Variants in MICAL3 observed in about 807,000 individuals in gnomAD.
The protein encoded by MICAL3 is microtubule associated monooxygenase, calponin and LIM domain containing 3.
In MICAL3, 62 loss-of-function variants were observed where a neutral mutation model predicts 207.4. The ratio of observed to expected loss-of-function variants is 0.30; its 90% CI spans 0.24 to 0.37. The LOEUF is 0.37. Ranked by LOEUF, MICAL3 falls within the 10% of genes least tolerant of loss-of-function variation. The probability of loss-of-function intolerance (pLI) is 1.00; values close to 1 mark genes in which losing one functional copy is unlikely to be tolerated. For synonymous variants in MICAL3, 1,077 were observed against 1,069.3 expected, an observed-to-expected ratio of 1.01 and a Z score of -0.14; for missense variants, 2,368 against 2,635.6, an observed-to-expected ratio of 0.90 and a Z score of 2.22.
At chr22:17,963,055 G>A (rs77952103) in intron 1 of MICAL3, among the ~76,000 whole-genome samples, 29 of 152,182 alleles carry the variant, frequency 1.9e-4, no homozygotes, top group African/African-American at 5.3e-4. Flanking sequence ...CCTAGCCAGC[G>A]AGAAACACTT....
chr22:17,901,833 G>T, intron 5 of MICAL3, 45 bp downstream of exon 5: 2 of 1,479,524 alleles, frequency 1.4e-6, no homozygotes, highest in Non-Finnish European at 1.9e-6. Flanking sequence ...GATAGCATCA[G>T]CTTTCCCTCT....
chr22:17,853,258 C>T lies in MICAL3; in HGVS notation c.2606-11241G>A, dbSNP rs145637303. 3.9e-5 allele frequency among the ~76,000 whole-genome samples: 6 copies of T among 152,206 alleles called. No homozygotes were observed. In the East Asian group the frequency reaches 9.7e-4, roughly 25 times the overall value. On this transcript the variant is annotated intron_variant, in intron 19 of 31. Coordinates refer to ENST00000441493, the MANE Select transcript of MICAL3 (RefSeq NM_015241.3). ...AGCCAAGCAGCCATGGAGATTTAAC[C>T]GTGCTTCACAACAGCTGGCACGCAA...
At chr22:17,935,166 T>C (rs1415626922) in intron 1 of MICAL3, among the ~76,000 whole-genome samples, 1 of 152,180 alleles carries the variant, frequency 6.6e-6, no homozygotes, top group Admixed American at 6.5e-5. Flanking sequence ...TCACGCTATC[T>C]GACTTCAAAC....
intron 29 of MICAL3, among the ~76,000 whole-genome samples, chr22:17,807,428 A>G (rs1253748995): frequency 4.6e-5 from 7 of 152,206 alleles, no homozygotes; most frequent in African/African-American, 1.4e-4. Flanking sequence ...TCTCACAGTA[A>G]CACATCCCAG....
At chr22:18,016,838 G>T (rs1334639258) in intron 1 of MICAL3, among the ~76,000 whole-genome samples, 1 of 151,992 alleles carries the variant, frequency 6.6e-6, no homozygotes, top group Admixed American at 6.6e-5. Flanking sequence ...TACTCGGGAG[G>T]CTGAGGCAGG....
chr22:17,822,721 G>A (rs560538875), intron 23 of MICAL3, among the ~76,000 whole-genome samples: 1 of 152,224 alleles, frequency 6.6e-6, no homozygotes, highest in African/African-American at 2.4e-5. Flanking sequence ...TAAAGCCACA[G>A]GTTGGCTCAG....
rs376092257 is a variant in MICAL3 at position 17,844,069 on chromosome 22, A to G, written c.2606-2052T>C. Reference sequence around the variant, plus strand: ...CACCATGTTAGCCAGGATGGTCTCAATCTCCTGACCTCGTGATCCGCCCGC... The same window carrying G: ...CACCATGTTAGCCAGGATGGTCTCAGTCTCCTGACCTCGTGATCCGCCCGC... On this transcript the variant is annotated intron_variant, in intron 19 of 31. Coordinates refer to ENST00000441493, the MANE Select transcript of MICAL3 (RefSeq NM_015241.3). Among the ~76,000 whole-genome samples the G allele has an allele frequency of 2.0e-5, 3 of 152,242 alleles. No individual in the cohort carries two copies. In the East Asian group the frequency reaches 5.8e-4, roughly 29 times the overall value.
intron 1 of MICAL3, among the ~76,000 whole-genome samples, chr22:18,003,914 T>C (rs1354477316): frequency 6.6e-6 from 1 of 151,574 alleles, no homozygotes; most frequent in Non-Finnish European, 1.5e-5. Flanking sequence ...GGACCACAGA[T>C]ACCTGCCACC....
intron 1 of MICAL3, among the ~76,000 whole-genome samples, chr22:17,941,106 G>A (rs1037922111): frequency 4.6e-5 from 7 of 152,162 alleles, no homozygotes; most frequent in Non-Finnish European, 1.0e-4. Flanking sequence ...CTCAAACACA[G>A]CAGGTGCTTC....
rs188807546 is a variant in MICAL3, at chr22:17,793,613, T to C, written c.5651-2312A>G. On this transcript the variant is annotated intron_variant, in intron 29 of 31. Coordinates refer to ENST00000441493, the MANE Select transcript of MICAL3 (RefSeq NM_015241.3). The surrounding 1 kb of genome is among the most constrained non-coding windows in gnomAD (Gnocchi z 4.1). Reference sequence around the variant, plus strand: ...CTCATGACATTTTGTAACAGGACTATTGAGGGTCAGAGAGAAAGAAAGAGA... The same window carrying C: ...CTCATGACATTTTGTAACAGGACTACTGAGGGTCAGAGAGAAAGAAAGAGA... The C allele has an allele frequency of 3.5e-4, 53 of 152,454 alleles. No individual in the cohort carries two copies. Among genetic ancestry groups the C allele is most frequent in the Non-Finnish European group, 5.7e-4 (39 of 68,118 alleles). The allele number at this position is 152,454 out of a possible 1,614,324, so 9.4% of individuals were successfully genotyped here. A position where few individuals can be genotyped will look rare whatever the true frequency, so the allele number is the denominator to read the frequency against.
chr22:17,998,546 TA>T (rs1190114774), intron 1 of MICAL3, among the ~76,000 whole-genome samples: 4 of 137,798 alleles, frequency 2.9e-5, no homozygotes, highest in Non-Finnish European at 6.2e-5. Context: ...ATAATAATAA[TA>T]ATTATTATTA....
At chr22:17,849,015 C>T (rs953458277) in intron 19 of MICAL3, among the ~76,000 whole-genome samples, 9 of 152,234 alleles carry the variant, frequency 5.9e-5, no homozygotes, top group African/African-American at 2.2e-4. Flanking sequence ...ACGCTGCCCT[C>T]CAACAAACTT....
At chr22:17,914,983 C>T (rs893668567) in intron 1 of MICAL3, among the ~76,000 whole-genome samples, 7 of 152,140 alleles carry the variant, frequency 4.6e-5, no homozygotes, top group African/African-American at 1.7e-4. Context: ...CAGTACAGAC[C>T]AAAAGACCCA....
intron 25 of MICAL3, among the ~76,000 whole-genome samples, chr22:17,820,524 T>A (rs1449913609): frequency 6.6e-6 from 1 of 152,134 alleles, no homozygotes; most frequent in Admixed American, 6.5e-5. Flanking sequence ...CCGGCTAATT[T>A]TTTGTATTGT....
chr22:17,933,932 G>GA, intron 1 of MICAL3, among the ~76,000 whole-genome samples: 1 of 152,300 alleles, frequency 6.6e-6, no homozygotes, highest in South Asian at 2.1e-4. Flanking sequence ...GGAAGAAGTT[G>GA]AATCTCTGAA....
chr22:17,921,061 A>G (rs1404241335), intron 1 of MICAL3, among the ~76,000 whole-genome samples: 6 of 152,122 alleles, frequency 3.9e-5, no homozygotes, highest in Non-Finnish European at 7.3e-5. Context: ...CAAGATCTTT[A>G]CCCTAAAGCA....
chr22:18,015,765 C>T (rs920973022), intron 1 of MICAL3, among the ~76,000 whole-genome samples: 1 of 152,118 alleles, frequency 6.6e-6, no homozygotes, highest in Admixed American at 6.6e-5. Context: ...ACATGATGTG[C>T]TTGCTATGTT....
At chr22:17,950,166 A>ATTTTTTTTTTTTTTTTTTTTTTTT (rs10657913) in intron 1 of MICAL3, among the ~76,000 whole-genome samples, 1 of 143,976 alleles carries the variant, frequency 6.9e-6, no homozygotes, top group African/African-American at 2.6e-5. Context: ...ACAGCTGTCT[A>ATTTTTTTTTTTTTTTTTTTTTTTT]TTTTTTTTTT....
Position 17,908,089 on chromosome 22 carries a change from G to A in MICAL3, c.-74-1203C>T, listed in dbSNP as rs566280265. Reference sequence around the variant, plus strand: ...TCACATCTGATGAAACCTCACCACTGGAACTGTATTGGAAGGTGGGAGGCA... The same window carrying A: ...TCACATCTGATGAAACCTCACCACTAGAACTGTATTGGAAGGTGGGAGGCA... On this transcript the variant is annotated intron_variant, in intron 1 of 31. Transcript: ENST00000441493. 4.8e-3 allele frequency among the ~76,000 whole-genome samples: 724 copies of A among 152,204 alleles called. 4 individuals are homozygous for A. Among genetic ancestry groups the A allele is most frequent in the Middle Eastern group, 6.8e-3 (2 of 294 alleles).
Sources: allele counts gnomAD v4.1 joint callset (sites outside exome capture counted in the v4.1 genomes callset), GRCh38; gene constraint gnomAD v4.1.1; non-coding constraint Gnocchi (gnomAD v3.1); transcripts MANE v1.5; gene names NCBI Gene and HGNC (gene_info 2026-07-23, HGNC 2026-07-21).